Variants in TRPC4 observed in about 807,000 individuals in gnomAD.
The protein encoded by TRPC4 is short transient receptor potential channel 4.
In TRPC4, 49 loss-of-function variants were observed where a neutral mutation model predicts 99.4. That is an observed-to-expected ratio of 0.49 (90% CI 0.39 to 0.63). TRPC4 has a LOEUF of 0.63. TRPC4 is among the 20% of genes least tolerant of loss of function. The pLI, the probability that TRPC4 is intolerant of heterozygous loss-of-function variation, is 0.00. For missense variants in TRPC4, 898 were observed against 1,152.9 expected, an observed-to-expected ratio of 0.78 and a Z score of 3.20; for synonymous variants, 454 against 425.9, an observed-to-expected ratio of 1.07 and a Z score of -0.81.
chr13:37,770,921 T>C (rs1306225235), intron 2 of TRPC4, among the ~76,000 whole-genome samples: 1 of 151,662 alleles, frequency 6.6e-6, no homozygotes, highest in Non-Finnish European at 1.5e-5. Context: ...TTTTACCATC[T>C]TCACAGAAAC....
At chr13:37,828,852 G>A (rs941595289) in intron 1 of TRPC4, among the ~76,000 whole-genome samples, 6 of 152,136 alleles carry the variant, frequency 3.9e-5, no homozygotes, top group African/African-American at 1.4e-4. Flanking sequence ...GGTGGGACTA[G>A]GGTGAGGATT....
chr13:37,838,537 TAATA>T (rs1303617524), intron 1 of TRPC4, among the ~76,000 whole-genome samples: 1 of 152,216 alleles, frequency 6.6e-6, no homozygotes, highest in Non-Finnish European at 1.5e-5. Context: ...GTCTTGCACT[TAATA>T]ATTACTAAAA....
At chr13:37,832,184 A>T (rs1182682746) in intron 1 of TRPC4, among the ~76,000 whole-genome samples, 1 of 152,174 alleles carries the variant, frequency 6.6e-6, no homozygotes, top group Non-Finnish European at 1.5e-5. Flanking sequence ...ATTACAGTAA[A>T]ATAATTTTTT....
intron 1 of TRPC4, among the ~76,000 whole-genome samples, chr13:37,824,782 C>T (rs1301960809): frequency 6.6e-6 from 1 of 152,022 alleles, no homozygotes; most frequent in African/African-American, 2.4e-5. Context: ...TGATGCTGGC[C>T]TCATAAAATG....
At chr13:37,807,184 C>G (rs909350852) in intron 1 of TRPC4, among the ~76,000 whole-genome samples, 1 of 152,064 alleles carries the variant, frequency 6.6e-6, no homozygotes, top group East Asian at 1.9e-4. Flanking sequence ...TCTCTTCTCT[C>G]TCATATATGT....
chr13:37,763,415 G>A (rs1956276763), intron 2 of TRPC4, among the ~76,000 whole-genome samples: 1 of 151,456 alleles, frequency 6.6e-6, no homozygotes, highest in African/African-American at 2.4e-5. Context: ...CATCACCTGA[G>A]GAAGAGGAGA....
chr13:37,827,632 C>T (rs1958274948), intron 1 of TRPC4, among the ~76,000 whole-genome samples: 3 of 152,182 alleles, frequency 2.0e-5, no homozygotes, highest in Non-Finnish European at 4.4e-5. Context: ...TGCCCATTCT[C>T]AGATCTCCAG....
chr13:37,833,617 CAG>C (rs1273494093), intron 1 of TRPC4, among the ~76,000 whole-genome samples: 2 of 152,144 alleles, frequency 1.3e-5, no homozygotes, highest in African/African-American at 4.8e-5. Flanking sequence ...CTGCCACCTG[CAG>C]ATGCACCTGC....
chr13:37,655,749 T>A (rs1309393169), intron 6 of TRPC4, among the ~76,000 whole-genome samples: 2 of 152,154 alleles, frequency 1.3e-5, no homozygotes, highest in Non-Finnish European at 2.9e-5. Context: ...TGTGCTACAA[T>A]GGCAGAAGAA....
chr13:37,801,855 G>A (rs964256145), intron 1 of TRPC4, among the ~76,000 whole-genome samples: 2 of 152,054 alleles, frequency 1.3e-5, no homozygotes, highest in African/African-American at 4.8e-5. Flanking sequence ...AAAATATGTA[G>A]CTAGGGAACA....
At chr13:37,748,018 G>T (rs1029734702) in intron 2 of TRPC4, among the ~76,000 whole-genome samples, 3 of 152,150 alleles carry the variant, frequency 2.0e-5, no homozygotes, top group Admixed American at 2.0e-4. Flanking sequence ...GTGTGCATTT[G>T]CCTGACAAAG....
chr13:37,810,396 T>G (rs1957643488), intron 1 of TRPC4, among the ~76,000 whole-genome samples: 1 of 152,084 alleles, frequency 6.6e-6, no homozygotes, highest in African/African-American at 2.4e-5. Context: ...TATATCATTA[T>G]GACATAAAAG....
intron 2 of TRPC4, among the ~76,000 whole-genome samples, chr13:37,763,970 T>A (rs6650468): frequency 0.1 from 15,177 of 151,750 alleles, 1,115 homozygotes; most frequent in African/African-American, 0.21. Flanking sequence ...GAGGCCAGTG[T>A]AATTCTAGCA....
intron 3 of TRPC4, among the ~76,000 whole-genome samples, chr13:37,710,202 C>G (rs192007849): frequency 6.6e-6 from 1 of 151,718 alleles, no homozygotes; most frequent in Non-Finnish European, 1.5e-5. Flanking sequence ...AATTTCTAAC[C>G]CTTAATGGAT....
chr13:37,637,731 A>AGGAGTG, intron 10 of TRPC4, 106 bp from the exon 11 acceptor site: 2 of 1,118,920 alleles, frequency 1.8e-6, no homozygotes, highest in Non-Finnish European at 2.5e-6. Context: ...CTTTTTAAAA[A>AGGAGTG]CAAGGATTCT....
intron 3 of TRPC4, among the ~76,000 whole-genome samples, chr13:37,724,924 A>G (rs1273494784): frequency 1.3e-5 from 2 of 152,194 alleles, no homozygotes; most frequent in Admixed American, 1.3e-4. Flanking sequence ...AAATCAATAG[A>G]AGTTGTTTCT....
chr13:37,763,295 T>A (rs1293387215), intron 2 of TRPC4, among the ~76,000 whole-genome samples: 1 of 151,320 alleles, frequency 6.6e-6, no homozygotes, highest in Non-Finnish European at 1.5e-5. Context: ...GAGTGTGAAA[T>A]CCGGAAGTAC....
intron 2 of TRPC4, among the ~76,000 whole-genome samples, chr13:37,768,656 A>G (rs1287636338): frequency 8.5e-6 from 1 of 117,740 alleles, no homozygotes; most frequent in Non-Finnish European, 1.8e-5. Context: ...GCAAATACAC[A>G]CATACGAACA....
In TRPC4 at chr13:37,639,283, T is replaced by C; in HGVS notation, c.2096A>G (p.Asn699Ser). The C allele has an allele frequency of 6.2e-7, 1 of 1,613,724 alleles. No homozygotes were observed. Among genetic ancestry groups the C allele is most frequent in the Non-Finnish European group, 8.5e-7 (1 of 1,179,672 alleles). ...FGTIGRRAAD[N>S]LRRHHQYQEV... ...TTGGTATTGGTGATGTCTTCTCAAGTTATCAGCAGCTCGCCTCTGAAAAGG... is the reference window on the plus strand; with the variant it reads ...TTGGTATTGGTGATGTCTTCTCAAGCTATCAGCAGCTCGCCTCTGAAAAGG... The change falls in exon 9 of 11, where the codon AAC (asparagine) becomes AGC (serine). Residue 699 changes from asparagine (N) to serine (S), a missense_variant. Asn to Ser is a conservative substitution (Grantham distance 46). This residue lies in a region of TRPC4 where 346 missense variants were observed against 351.4 expected (regional missense o/e 0.98). Transcript: ENST00000379705.
Sources: allele counts gnomAD v4.1 joint callset (sites outside exome capture counted in the v4.1 genomes callset), GRCh38; gene constraint gnomAD v4.1.1; regional missense constraint gnomAD v4.1.1; transcripts MANE v1.5; gene names NCBI Gene and HGNC (gene_info 2026-07-23, HGNC 2026-07-21).